CERCAM: variants seen among roughly 807,000 people sequenced by gnomAD.
The protein encoded by CERCAM is inactive glycosyltransferase 25 family member 3.
A neutral mutation model predicts 66.0 loss-of-function variants in CERCAM; 59 were observed. The ratio of observed to expected loss-of-function variants is 0.89; its 90% CI spans 0.73 to 1.11. CERCAM has a LOEUF of 1.11. Ranked by LOEUF, CERCAM falls within the 50% of genes most tolerant of loss-of-function variation. The pLI, the probability that CERCAM is intolerant of heterozygous loss-of-function variation, is 0.00. For synonymous variants in CERCAM, 318 were observed against 343.6 expected (o/e 0.93, Z 0.83); for missense variants, 840 against 828.3 (o/e 1.01, Z -0.17).
At chr9:128,436,537 C>T (rs1423481706) in intron 12 of CERCAM, among the ~76,000 whole-genome samples, 2 of 151,748 alleles carry the variant, frequency 1.3e-5, no homozygotes, top group Admixed American at 6.6e-5. Context: ...CGTGAGCCAC[C>T]GCGCCTGGCC....
chr9:128,421,650 C>T (rs1833712485), intron 1 of CERCAM: 1 of 454,762 alleles, frequency 2.2e-6, no homozygotes, highest in African/African-American at 2.2e-5. Flanking sequence ...GGCAGTCCCC[C>T]TTCCTGGAGC....
chr9:128,421,245 C>G, intron 1 of CERCAM, 171 bp downstream of exon 1: 2 of 1,235,992 alleles, frequency 1.6e-6, no homozygotes, highest in Non-Finnish European at 2.0e-6. Context: ...ACCCCGAGCC[C>G]CCTGCTGGGA....
chr9:128,425,669 G>A (rs571093304), intron 5 of CERCAM, among the ~76,000 whole-genome samples: 2 of 151,930 alleles, frequency 1.3e-5, no homozygotes, highest in East Asian at 2.0e-4. Flanking sequence ...GCACTGCCAC[G>A]CCTGGGTAAT....
At position 128,424,215 on chromosome 9, in the gene CERCAM, C is replaced by T. The variant is rs141394227; in HGVS notation, c.504C>T (p.Ala168=). 45 of 1,614,040 alleles carry T rather than the reference C, an allele frequency of 2.8e-5. No homozygotes were observed. In the African/African-American group the frequency reaches 4.1e-4, roughly 15 times the overall value. ...TGGGGCAGGGGCTTCCAGTGGTGGCCCCAATGCTGGACTCCCAGACCTACT... is the reference window on the plus strand; with the variant it reads ...TGGGGCAGGGGCTTCCAGTGGTGGCTCCAATGCTGGACTCCCAGACCTACT... ...LLMGQGLPVV[A]PMLDSQTYYS... is the part of the protein sequence containing the mutation. The change falls in exon 4 of 13, where the codon GCC becomes GCT. Residue 168 remains alanine, a synonymous_variant. Transcript: ENST00000372838.
rs369605889 is a variant in CERCAM at position 128,425,637 on chromosome 9, G to A, written c.766+1023G>A. ...AGCAGTTCTCCTGCCTCAGCCTCCC[G>A]AGTAGCTGGGATTACAGGCATGCAC... On this transcript the variant is annotated intron_variant, in intron 5 of 12. Coordinates refer to ENST00000372838, the MANE Select transcript of CERCAM (RefSeq NM_016174.5). 5.3e-5 allele frequency among the ~76,000 whole-genome samples: 8 copies of A among 151,188 alleles called. No homozygotes were observed. In the South Asian group the frequency reaches 6.3e-4, roughly 12 times the overall value.
chr9:128,421,224 C>G, intron 1 of CERCAM, 150 bp downstream of exon 1: 2 of 1,236,696 alleles, frequency 1.6e-6, no homozygotes, highest in Non-Finnish European at 2.0e-6. Context: ...CAGCCCGAGC[C>G]GCCAGAGAGG....
chr9:128,435,821 C>T lies in CERCAM; in HGVS notation c.1704C>T (p.Ser568=). The T allele has an allele frequency of 6.2e-7, 1 of 1,611,366 alleles. No individual in the cohort carries two copies. Residue 568 remains serine (S), a synonymous_variant, in exon 12 of 13, where the codon TCC becomes TCT. Coordinates refer to ENST00000372838, the MANE Select transcript of CERCAM (RefSeq NM_016174.5). ...GCCGCCTCATCAGCTGGAGCGGCTCCCAAAAGACCCTGCGCAGCCCCCGCC... is the reference window on the plus strand; with the variant it reads ...GCCGCCTCATCAGCTGGAGCGGCTCTCAAAAGACCCTGCGCAGCCCCCGCC... ...DSGRLISWSG[S]QKTLRSPRLD... is the part of the protein sequence containing the mutation.
chr9:128,426,846 C>G (rs568834530), intron 5 of CERCAM, among the ~76,000 whole-genome samples: 1 of 152,290 alleles, frequency 6.6e-6, no homozygotes, highest in South Asian at 2.1e-4. Context: ...TTGTTTTGTG[C>G]TGGAGAAGTC....
intron 9 of CERCAM, 30 bp downstream of exon 9, chr9:128,431,333 C>A (rs747583425): frequency 1.9e-6 from 3 of 1,612,698 alleles, no homozygotes; most frequent in South Asian, 1.1e-5. Flanking sequence ...CCATCCACAG[C>A]CTTCGGGGAG....
At chr9:128,427,764 CAA>C (rs879285710) in intron 5 of CERCAM, 17 of 128,242 alleles carry the variant, frequency 1.3e-4, no homozygotes, top group East Asian at 2.2e-4. Flanking sequence ...GACTCCATCT[CAA>C]AAAAAAAAAA....
intron 8 of CERCAM, among the ~76,000 whole-genome samples, chr9:128,430,148 C>T (rs1233791900): frequency 6.6e-6 from 1 of 152,090 alleles, no homozygotes; most frequent in Non-Finnish European, 1.5e-5. Flanking sequence ...TGCCTGTAAT[C>T]CCAGCACTCT....
intron 5 of CERCAM, among the ~76,000 whole-genome samples, chr9:128,426,165 A>G (rs1236461332): frequency 2.0e-5 from 3 of 152,158 alleles, no homozygotes; most frequent in African/African-American, 7.2e-5. Context: ...CCACGCCTGT[A>G]GTCCCAGCTT....
chr9:128,432,157 C>G (rs999927012), intron 9 of CERCAM, among the ~76,000 whole-genome samples: 1 of 151,986 alleles, frequency 6.6e-6, no homozygotes, highest in Non-Finnish European at 1.5e-5. Context: ...TCCCAAGTAT[C>G]TGGGATTACA....
At position 128,435,815 on chromosome 9, in the gene CERCAM, C is replaced by T. The variant is rs369750158; in HGVS notation, c.1698C>T (p.Ser566=). 1.2e-5 allele frequency: 20 copies of T among 1,611,118 alleles called. No individual in the cohort carries two copies. The highest frequency in any genetic ancestry group is 6.7e-5 in the Admixed American group (4 of 59,814). ...ACAGCGGCCGCCTCATCAGCTGGAG[C>T]GGCTCCCAAAAGACCCTGCGCAGCC... The part of the protein sequence containing the change: ...DDDSGRLISW[S]GSQKTLRSPR... Residue 566 remains serine, a synonymous_variant, in exon 12 of 13, where the codon AGC becomes AGT. Coordinates refer to ENST00000372838, the MANE Select transcript of CERCAM (RefSeq NM_016174.5).
Position 128,434,729 on chromosome 9 carries a change from C to T in CERCAM, c.1535+116C>T, listed in dbSNP as rs905910611. On this transcript the variant is annotated intron_variant, in intron 11 of 12. Coordinates refer to ENST00000372838, the MANE Select transcript of CERCAM (RefSeq NM_016174.5). The surrounding 1 kb of genome is among the most constrained non-coding windows in gnomAD (Gnocchi z 4.5). ...GATGGGGAGACTGGGACTGGCAAGG[C>T]CAAGCCACTTGGCCCAGGTCACCAA... The T allele has an allele frequency of 9.5e-7, 1 of 1,048,162 alleles. No homozygotes were observed. Among genetic ancestry groups the T allele is most frequent in the Non-Finnish European group, 1.4e-6 (1 of 727,828 alleles). 64.9% of individuals were successfully genotyped at this position (1,048,162 alleles called of 1,614,324 possible).
chr9:128,420,238 G>A (rs374466948), upstream of CERCAM: 3 of 152,308 alleles, frequency 2.0e-5, no homozygotes, highest in East Asian at 5.8e-4. This position sits in a 1 kb window ranked among gnomAD's most constrained non-coding sequence, Gnocchi z 5.0. Flanking sequence ...GACGCACAGG[G>A]GACTTAAGGA....
At chr9:128,424,765 C>T (rs1249226766) in intron 5 of CERCAM, 151 bp downstream of exon 5, 14 of 575,676 alleles carry the variant, frequency 2.4e-5, no homozygotes, top group African/African-American at 1.1e-4. Context: ...TTTTCTCTCT[C>T]TTTTTTTTTT....
chr9:128,428,434 G>A lies in CERCAM; in HGVS notation c.886+13G>A. Reference sequence around the variant, plus strand: ...TTAGAAGCACTAGGTGAGGGCTGGGGAACTGTTCCACCCACCTGCTGCCGG... The same window carrying A: ...TTAGAAGCACTAGGTGAGGGCTGGGAAACTGTTCCACCCACCTGCTGCCGG... On this transcript the variant is annotated intron_variant, in intron 6 of 12. Coordinates refer to ENST00000372838, the MANE Select transcript of CERCAM (RefSeq NM_016174.5). The A allele has an allele frequency of 1.9e-6, 3 of 1,613,670 alleles. No individual in the cohort carries two copies. Among genetic ancestry groups the A allele is most frequent in the South Asian group, 1.1e-5 (1 of 91,004 alleles).
chr9:128,421,334 C>G, intron 1 of CERCAM: 3 of 1,205,006 alleles, frequency 2.5e-6, no homozygotes, highest in African/African-American at 3.1e-5. Context: ...CCTCTTGGGG[C>G]CTTCCCTGGG....
Sources: gnomAD v4.1 joint callset for allele counts (sites outside exome capture counted in the v4.1 genomes callset) on GRCh38, gnomAD v4.1.1 for gene constraint, Gnocchi (gnomAD v3.1) non-coding constraint, MANE v1.5 for transcripts, NCBI Gene and HGNC (gene_info 2026-07-23, HGNC 2026-07-21) for gene names.